SCUBE1: variants seen among roughly 807,000 people sequenced by gnomAD.
The protein encoded by SCUBE1 is signal peptide, CUB domain and EGF like domain containing 1, also known as signal peptide, CUB and EGF-like domain-containing protein 1.
A neutral mutation model predicts 124.4 loss-of-function variants in SCUBE1; 59 were observed. That is an observed-to-expected ratio of 0.47 (90% CI 0.38 to 0.59). The LOEUF is 0.59. SCUBE1 is among the 20% of genes least tolerant of loss of function. The pLI is 0.00. For missense variants in SCUBE1, 1,150 were observed against 1,371.2 expected, an observed-to-expected ratio of 0.84 and a Z score of 2.55; for synonymous variants, 545 against 550.9, an observed-to-expected ratio of 0.99 and a Z score of 0.15.
rs952274364 is a variant in SCUBE1 at position 43,231,993 on chromosome 22, C to G, written c.845-118G>C. 26 of 1,258,520 alleles carry G rather than the reference C, an allele frequency of 2.1e-5. No individual in the cohort carries two copies. The Admixed American group carries it at 3.6e-4, about 18-fold the overall frequency. The allele number at this position is 1,258,520 out of a possible 1,614,324, so 78.0% of individuals were successfully genotyped here. ...ACTGCCCTGAGTTGCCTGGTGCCCA[C>G]TTCCCAAGCTGGCTGCTGGCTCCCC... is the stretch of plus-strand genomic sequence containing the variant. On this transcript the variant is annotated intron_variant, in intron 7 of 21. Coordinates refer to ENST00000360835, the MANE Select transcript of SCUBE1 (RefSeq NM_173050.5).
intron 2 of SCUBE1, among the ~76,000 whole-genome samples, chr22:43,338,466 A>G (rs1376231877): frequency 6.6e-6 from 1 of 152,178 alleles, no homozygotes; most frequent in Non-Finnish European, 1.5e-5. Flanking sequence ...ACCCCCATAT[A>G]GCCAGTCAAG....
At chr22:43,279,561 G>C (rs988211736) in intron 4 of SCUBE1, among the ~76,000 whole-genome samples, 1 of 152,244 alleles carries the variant, frequency 6.6e-6, no homozygotes, top group Non-Finnish European at 1.5e-5. Flanking sequence ...CAAGCCTCCA[G>C]AACTGTGAAA....
chr22:43,204,100 T>A lies in SCUBE1; in HGVS notation c.2864A>T (p.Asn955Ile). 1 of 1,614,014 alleles carries A rather than the reference T, an allele frequency of 6.2e-7. No homozygotes were observed. The highest frequency in any genetic ancestry group is 8.5e-7 in the Non-Finnish European group (1 of 1,179,986). ...TTCCTGGGCTGTGTACTTGAAGTAG[T>A]TCTGGGGATGCGCCAGCACGTCGAA... The part of the protein sequence containing the change: ...ALFDVLAHPQ[N>I]YFKYTAQESK... Residue 955 changes from asparagine to isoleucine, a missense_variant, in exon 22 of 22, where the codon AAC becomes ATC. Physicochemically the swap from Asn to Ile is moderately radical, Grantham distance 149. This residue lies in a region of SCUBE1 where 757 missense variants were observed against 840.9 expected (regional missense o/e 0.90). Coordinates refer to ENST00000360835, the MANE Select transcript of SCUBE1 (RefSeq NM_173050.5).
chr22:43,280,712 C>CGGCCACCCTCCTGTCACCTTCCTCATT (rs1569009708), intron 4 of SCUBE1, among the ~76,000 whole-genome samples: 1 of 64,894 alleles, frequency 1.5e-5, no homozygotes, highest in Non-Finnish European at 2.9e-5. Context: ...CCTTCCTCCT[C>CGGCCACCCTCCTGTCACCTTCCTCATT]GGCCACCCTC....
At chr22:43,280,249 C>T (rs1924711418) in intron 4 of SCUBE1, among the ~76,000 whole-genome samples, 1 of 152,090 alleles carries the variant, frequency 6.6e-6, no homozygotes, top group South Asian at 2.1e-4. Context: ...AACAAGGCCC[C>T]ACCTTGTCCA....
At position 43,223,233 on chromosome 22, in the gene SCUBE1, G is replaced by A. The variant is rs202038476; in HGVS notation, c.1208-17C>T. ...TGCCTGTCTCTATGAAGGGAGATACGAGAGAGGGCTGAGAGAGGCCAGGGC... is the reference window on the plus strand; with the variant it reads ...TGCCTGTCTCTATGAAGGGAGATACAAGAGAGGGCTGAGAGAGGCCAGGGC... On this transcript the variant is annotated splice_polypyrimidine_tract_variant and intron_variant, in intron 10 of 21. Transcript: ENST00000360835. 2.6e-6 allele frequency: 4 copies of A among 1,563,172 alleles called. No homozygotes were observed. Among genetic ancestry groups the A allele is most frequent in the African/African-American group, 2.8e-5 (2 of 71,466 alleles).
intron 2 of SCUBE1, 111 bp downstream of exon 2, chr22:43,338,993 T>A: frequency 7.9e-7 from 1 of 1,272,612 alleles, no homozygotes; most frequent in Non-Finnish European, 1.1e-6. Flanking sequence ...GCAACCACAA[T>A]GGTGGTGCTG....
chr22:43,259,587 A>G (rs999247936), intron 5 of SCUBE1, among the ~76,000 whole-genome samples: 20 of 152,206 alleles, frequency 1.3e-4, no homozygotes, highest in Admixed American at 1.1e-3. Flanking sequence ...ACAGAGACCG[A>G]CGCAGAGCCT....
chr22:43,342,230 A>ACGAC (rs1927340882), intron 1 of SCUBE1, among the ~76,000 whole-genome samples: 1 of 67,166 alleles, frequency 1.5e-5, no homozygotes, highest in Non-Finnish European at 2.6e-5. Context: ...GAAGCCCCTG[A>ACGAC]AGACAGAGAG....
rs141249776 is a variant in SCUBE1 at position 43,289,101 on chromosome 22, A to G, written c.484+1945T>C. Among the ~76,000 whole-genome samples the G allele has an allele frequency of 5.3e-3, 800 of 152,310 alleles. 7 individuals are homozygous for G. Among genetic ancestry groups the G allele is most frequent in the African/African-American group, 0.019 (770 of 41,560 alleles). Reference sequence around the variant, plus strand: ...TGGGGAGAAAGCCGGGCTTCAAAGGAACAGAGCACACACAGCCTGGCTGAA... The same window carrying G: ...TGGGGAGAAAGCCGGGCTTCAAAGGGACAGAGCACACACAGCCTGGCTGAA... On this transcript the variant is annotated intron_variant, in intron 4 of 21. Transcript: ENST00000360835.
At chr22:43,291,699 G>A (rs192122696) in intron 3 of SCUBE1, among the ~76,000 whole-genome samples, 1 of 152,262 alleles carries the variant, frequency 6.6e-6, no homozygotes, top group East Asian at 1.9e-4. Context: ...TGGTACTCCC[G>A]AGAGCAAGTC....
intron 2 of SCUBE1, among the ~76,000 whole-genome samples, chr22:43,336,267 G>A (rs1398787024): frequency 6.6e-6 from 1 of 152,014 alleles, no homozygotes; most frequent in Non-Finnish European, 1.5e-5. Context: ...GGCTCCCCTC[G>A]AAGAGACCAG....
intron 1 of SCUBE1, among the ~76,000 whole-genome samples, chr22:43,342,904 T>TGC (rs2146810210): frequency 6.6e-6 from 1 of 151,450 alleles, no homozygotes; most frequent in Admixed American, 6.6e-5. Flanking sequence ...CCGCCGCCTT[T>TGC]CTTCCTCGCT....
At chr22:43,214,043 CCCCG>C in intron 16 of SCUBE1, 43 bp downstream of exon 16, 2 of 455,668 alleles carry the variant, frequency 4.4e-6, no homozygotes, top group Admixed American at 4.2e-5. Context: ...CAGGAGGAGC[CCCCG>C]CCCACCCCCC....
At chr22:43,227,533 TG>T (rs1569501564) in intron 9 of SCUBE1, 37 bp from the exon 10 acceptor site, 2 of 1,592,810 alleles carry the variant, frequency 1.3e-6, no homozygotes. Flanking sequence ...GAGGGGAGGC[TG>T]GCGGCTGGCG....
intron 7 of SCUBE1, 48 bp from the exon 8 acceptor site, chr22:43,231,923 T>G (rs766960527): frequency 6.3e-7 from 1 of 1,599,030 alleles, no homozygotes; most frequent in Non-Finnish European, 8.6e-7. Context: ...GAGAATCAGC[T>G]TGTGTGACCA....
chr22:43,266,005 G>A (rs1229882883), intron 4 of SCUBE1, among the ~76,000 whole-genome samples: 1 of 152,150 alleles, frequency 6.6e-6, no homozygotes, highest in Non-Finnish European at 1.5e-5. Context: ...GGAGGCTGAG[G>A]CAGAAGAATT....
chr22:43,199,047 T>C lies in SCUBE1; in HGVS notation c.*4950A>G, dbSNP rs1349223185. 5.7e-5 allele frequency: 7 copies of C among 121,830 alleles called. No individual in the cohort carries two copies. The highest frequency in any genetic ancestry group is 1.3e-4 in the Admixed American group (1 of 7,536). 7.5% of individuals were successfully genotyped at this position (121,830 alleles called of 1,614,324 possible). ...TTTGTCTCTCTGCTGTCCAGGGCAA[T>C]GTGTCTGTTTGTCTGTCTGCTGTCC... On this transcript the variant is annotated 3_prime_UTR_variant, in exon 22 of 22. Coordinates refer to ENST00000360835, the MANE Select transcript of SCUBE1 (RefSeq NM_173050.5).
intron 3 of SCUBE1, among the ~76,000 whole-genome samples, chr22:43,303,456 G>C (rs889781832): frequency 2.6e-5 from 4 of 152,248 alleles, no homozygotes; most frequent in Non-Finnish European, 5.9e-5. Flanking sequence ...GGGTGGGCCT[G>C]GTGGCAACAA....
Sources: allele counts gnomAD v4.1 joint callset (sites outside exome capture counted in the v4.1 genomes callset), GRCh38; gene constraint gnomAD v4.1.1; regional missense constraint gnomAD v4.1.1; transcripts MANE v1.5; gene names NCBI Gene and HGNC (gene_info 2026-07-23, HGNC 2026-07-21).